The following AGBL1 variants were observed in gnomAD, a reference collection of about 807,000 sequenced individuals.
AGBL1 encodes the protein AGBL carboxypeptidase 1.
AGBL1 carries 130 observed loss-of-function variants against 118.9 expected under a neutral mutation model. The observed-to-expected ratio is 1.09, with a 90% CI of 0.95 to 1.26. AGBL1 has a LOEUF of 1.26. AGBL1 is among the 50% of genes most tolerant of loss of function. The probability of loss-of-function intolerance (pLI) is 0.00; values close to 1 mark genes in which losing one functional copy is unlikely to be tolerated. For missense variants in AGBL1, 1,584 were observed against 1,298.1 expected (o/e 1.22, Z -3.38); for synonymous variants, 555 against 478.9 (o/e 1.16, Z -2.08).
At chr15:86,252,459 T>C (rs563196652) in intron 7 of AGBL1, among the ~76,000 whole-genome samples, 1 of 152,352 alleles carries the variant, frequency 6.6e-6, no homozygotes, top group South Asian at 2.1e-4. Context: ...GGCTGGGTTC[T>C]ATAGGGGGTT....
chr15:86,247,549 C>G, intron 6 of AGBL1, 122 bp from the exon 7 acceptor site: 1 of 1,115,012 alleles, frequency 9.0e-7, no homozygotes, highest in East Asian at 2.6e-5. Flanking sequence ...AGTTTTCATA[C>G]TAAAATGTTA....
chr15:86,305,799 G>T (rs1040317514), intron 17 of AGBL1, among the ~76,000 whole-genome samples: 1 of 151,938 alleles, frequency 6.6e-6, no homozygotes, highest in Non-Finnish European at 1.5e-5. Context: ...ACTTAAATTG[G>T]CCTTCTTGAC....
At position 86,625,079 on chromosome 15, in the gene AGBL1, T is replaced by TCGA. The variant is rs776229706; in HGVS notation, c.2995-49192_2995-49190dup. On this transcript the variant is annotated intron_variant, in intron 21 of 22. Coordinates refer to ENST00000614907, the MANE Select transcript of AGBL1 (RefSeq NM_001386094.1). ...GGCTCCCTCATAGACCTCCAGTCATTCGACCAGGTTTGTTCCTGGAAGGAT... is the reference window on the plus strand; with the variant it reads ...GGCTCCCTCATAGACCTCCAGTCATTCGACGACCAGGTTTGTTCCTGGAAGGAT... 6.4e-4 allele frequency among the ~76,000 whole-genome samples: 97 copies of TCGA among 152,270 alleles called. 1 individual carries two copies. Among genetic ancestry groups the TCGA allele is most frequent in the Non-Finnish European group, 1.2e-3 (83 of 68,014 alleles).
chr15:86,698,583 T>G lies in AGBL1; in HGVS notation c.3158+24147T>G, dbSNP rs555437552. Among the ~76,000 whole-genome samples, 16 of 151,860 alleles carry G rather than the reference T, an allele frequency of 1.1e-4. No individual in the cohort carries two copies. In the East Asian group the frequency reaches 3.1e-3, roughly 29 times the overall value. The stretch of plus-strand genomic sequence containing the variant: ...TGCATCCGCTCCTTTTTTATTGGAA[T>G]TCCATCTGTATATAGTGCTGATCAT... On this transcript the variant is annotated intron_variant, in intron 22 of 22. Coordinates refer to ENST00000614907, the MANE Select transcript of AGBL1 (RefSeq NM_001386094.1).
chr15:86,182,609 G>T (rs1597505393), intron 5 of AGBL1, among the ~76,000 whole-genome samples: 1 of 152,042 alleles, frequency 6.6e-6, no homozygotes, highest in African/African-American at 2.4e-5. Context: ...TTCACAAGAA[G>T]TTACCCCTTG....
chr15:86,569,628 T>G (rs924010765), intron 21 of AGBL1, among the ~76,000 whole-genome samples: 1 of 152,198 alleles, frequency 6.6e-6, no homozygotes, highest in Admixed American at 6.5e-5. Flanking sequence ...GTCTTAATTA[T>G]GTAGTAAAAT....
intron 22 of AGBL1, among the ~76,000 whole-genome samples, chr15:86,778,883 T>C (rs1355793748): frequency 6.6e-6 from 1 of 152,162 alleles, no homozygotes; most frequent in Non-Finnish European, 1.5e-5. Context: ...CCATGAAATC[T>C]TCACAATTTA....
intron 24 of AGBL1, among the ~76,000 whole-genome samples, chr15:87,020,738 C>A (rs1366357162): frequency 2.6e-5 from 4 of 152,026 alleles, no homozygotes; most frequent in African/African-American, 7.2e-5. Context: ...TGAATGAATT[C>A]TCATTCACAA....
intron 22 of AGBL1, among the ~76,000 whole-genome samples, chr15:86,872,229 C>A (rs904190430): frequency 6.6e-6 from 1 of 152,188 alleles, no homozygotes; most frequent in African/African-American, 2.4e-5. Flanking sequence ...GAATTCTCAT[C>A]AGGTCCCCTT....
intron 21 of AGBL1, among the ~76,000 whole-genome samples, chr15:86,654,742 G>A (rs930554851): frequency 1.3e-5 from 2 of 152,060 alleles, no homozygotes; most frequent in African/African-American, 4.8e-5. Flanking sequence ...TGACCTCCCA[G>A]TCCCCTTCAT....
At chr15:86,118,927 C>T (rs1200206099) in intron 1 of AGBL1, among the ~76,000 whole-genome samples, 3 of 152,294 alleles carry the variant, frequency 2.0e-5, no homozygotes, top group Admixed American at 2.0e-4. Flanking sequence ...GTACCAGGAA[C>T]TTTACAGACA....
intron 17 of AGBL1, among the ~76,000 whole-genome samples, chr15:86,297,778 T>C (rs952072981): frequency 2.0e-5 from 3 of 152,160 alleles, no homozygotes; most frequent in Admixed American, 6.5e-5. Flanking sequence ...TTAAATACTA[T>C]GATCAGTAGA....
chr15:86,233,798 G>C (rs1244653877), intron 6 of AGBL1, among the ~76,000 whole-genome samples: 23 of 152,208 alleles, frequency 1.5e-4, no homozygotes, highest in Admixed American at 1.4e-3. Context: ...GAGTCTCTTG[G>C]GACTAACAGA....
At chr15:86,788,825 G>T (rs1050506326) in intron 22 of AGBL1, among the ~76,000 whole-genome samples, 1 of 152,140 alleles carries the variant, frequency 6.6e-6, no homozygotes, top group Non-Finnish European at 1.5e-5. Flanking sequence ...TGATGAGAAA[G>T]AATCAGACGT....
chr15:86,527,041 A>C (rs1290615251), intron 19 of AGBL1, among the ~76,000 whole-genome samples: 2 of 152,148 alleles, frequency 1.3e-5, no homozygotes, highest in Admixed American at 6.5e-5. Flanking sequence ...GAAAATGTAC[A>C]ATCTTTTCAT....
chr15:86,794,967 A>G (rs1298189238), intron 22 of AGBL1, among the ~76,000 whole-genome samples: 1 of 152,186 alleles, frequency 6.6e-6, no homozygotes, highest in African/African-American at 2.4e-5. Context: ...CGGGGGGACC[A>G]GCACCTGTCA....
chr15:87,016,973 A>T (rs1279966905), intron 24 of AGBL1, among the ~76,000 whole-genome samples: 1 of 152,138 alleles, frequency 6.6e-6, no homozygotes. Context: ...AGGATTTCTG[A>T]CAAGGTAAGA....
At chr15:86,256,685 A>G (rs779040912) in intron 7 of AGBL1, among the ~76,000 whole-genome samples, 168 bp from the exon 8 acceptor site, 6 of 152,244 alleles carry the variant, frequency 3.9e-5, no homozygotes, top group Non-Finnish European at 5.9e-5. Flanking sequence ...TTCAAATTTG[A>G]CATTCTACAT....
chr15:86,879,931 C>T (rs1442460946), intron 22 of AGBL1, among the ~76,000 whole-genome samples: 1 of 151,902 alleles, frequency 6.6e-6, no homozygotes, highest in Admixed American at 6.6e-5. Context: ...TTTCCTTGGG[C>T]AAAAATCTGG....
Sources: allele counts gnomAD v4.1 joint callset (sites outside exome capture counted in the v4.1 genomes callset), GRCh38; gene constraint gnomAD v4.1.1; transcripts MANE v1.5; gene names NCBI Gene and HGNC (gene_info 2026-07-23, HGNC 2026-07-21).